OCIAD1: variants seen among roughly 807,000 people sequenced by gnomAD.
The protein encoded by OCIAD1 is OCIA domain-containing protein 1.
OCIAD1 carries 29 observed loss-of-function variants against 38.9 expected under a neutral mutation model. The ratio of observed to expected loss-of-function variants is 0.74; its 90% CI spans 0.55 to 1.02. The LOEUF is 1.02. Among genes scored for constraint, OCIAD1 ranks in the 50% least tolerant of loss-of-function variants. The probability of loss-of-function intolerance (pLI) is 0.00; values close to 1 mark genes in which losing one functional copy is unlikely to be tolerated. For missense variants in OCIAD1, 288 were observed against 289.6 expected, an observed-to-expected ratio of 0.99 and a Z score of 0.04; for synonymous variants, 110 against 92.0, an observed-to-expected ratio of 1.20 and a Z score of -1.12.
intron 5 of OCIAD1, among the ~76,000 whole-genome samples, 188 bp from the exon 6 acceptor site, chr4:48,849,759 A>G (rs2109583133): frequency 6.6e-6 from 1 of 152,280 alleles, no homozygotes; most frequent in Non-Finnish European, 1.5e-5. Context: ...AATTATATCC[A>G]TAGACTCTGT....
chr4:48,834,439 A>ATTAT (rs1777798956), intron 3 of OCIAD1, among the ~76,000 whole-genome samples: 2 of 152,182 alleles, frequency 1.3e-5, no homozygotes, highest in Non-Finnish European at 2.9e-5. Flanking sequence ...AAGTGCTGGG[A>ATTAT]TTATAGGCGT....
intron 8 of OCIAD1, 36 bp from the exon 9 acceptor site, chr4:48,860,689 G>C (rs770073091): frequency 6.9e-7 from 1 of 1,440,962 alleles, no homozygotes; most frequent in Admixed American, 1.7e-5. Context: ...ACTTATTATT[G>C]CTTGGAATCA....
chr4:48,858,729 A>G (rs1579124625), intron 8 of OCIAD1, among the ~76,000 whole-genome samples: 1 of 152,184 alleles, frequency 6.6e-6, no homozygotes, highest in African/African-American at 2.4e-5. Flanking sequence ...TGCTGGGATT[A>G]TAGGTGGGAG....
At position 48,832,659 on chromosome 4, in the gene OCIAD1, C is replaced by G; in HGVS notation, c.35C>G (p.Ala12Gly). 6.2e-7 allele frequency: 1 copy of G among 1,612,788 alleles called. No individual in the cohort carries two copies. Residue 12 changes from alanine to glycine, a missense_variant, in exon 2 of 9, where the codon GCA (alanine) becomes GGA (glycine). Physicochemically the swap from Ala to Gly is moderately conservative, Grantham distance 60. Transcript: ENST00000264312. ...NGRADFREPNAEVPRPIPHIG... is the reference protein window; with the variant it reads ...NGRADFREPNGEVPRPIPHIG... ...AGGGCTGATTTTCGAGAGCCGAATG[C>G]AGAGGTTCCAAGACCAATTCCCCGT...
rs148601871 is a variant in OCIAD1 at position 48,809,451 on chromosome 4, G to A, written c.-103+4121G>A. On this transcript the variant is annotated intron_variant, in intron 1 of 6. Coordinates refer to the OCIAD1 transcript ENST00000504654. Reference sequence around the variant, plus strand: ...GAGGCAGGGAGTACTGCTTGAACCCGGCAGGTGGAGGTTGCGGTGAGTCAA... The same window carrying A: ...GAGGCAGGGAGTACTGCTTGAACCCAGCAGGTGGAGGTTGCGGTGAGTCAA... 4.7e-3 allele frequency among the ~76,000 whole-genome samples: 712 copies of A among 152,162 alleles called. 9 individuals are homozygous for A. Among genetic ancestry groups the A allele is most frequent in the African/African-American group, 0.015 (642 of 41,518 alleles).
chr4:48,824,791 A>G (rs1350737501), intron 1 of OCIAD1, among the ~76,000 whole-genome samples: 1 of 152,196 alleles, frequency 6.6e-6, no homozygotes, highest in African/African-American at 2.4e-5. Flanking sequence ...GCTGGAGTGC[A>G]GTGGCGCAAT....
At chr4:48,842,741 T>C in intron 4 of OCIAD1, 52 bp downstream of exon 4, 1 of 978,874 alleles carries the variant, frequency 1.0e-6, no homozygotes. Context: ...CATGTTTGTT[T>C]TGTGGTATTT....
chr4:48,819,431 C>T (rs536223086), intron 1 of OCIAD1, among the ~76,000 whole-genome samples: 1 of 152,170 alleles, frequency 6.6e-6, no homozygotes, highest in Non-Finnish European at 1.5e-5. Context: ...CTGGTACCAG[C>T]CACTGCAAAA....
intron 1 of OCIAD1, among the ~76,000 whole-genome samples, chr4:48,826,060 A>C (rs1777246066): frequency 6.6e-6 from 1 of 150,702 alleles, no homozygotes; most frequent in South Asian, 2.1e-4. Flanking sequence ...CTGGTCTTGA[A>C]CTCCTGACAT....
At chr4:48,832,141 C>T (rs1418707087) in intron 1 of OCIAD1, among the ~76,000 whole-genome samples, 2 of 152,122 alleles carry the variant, frequency 1.3e-5, no homozygotes, top group Non-Finnish European at 2.9e-5. Context: ...TTTTGGAGTG[C>T]TCCTTTGTGG....
At chr4:48,854,507 T>G (rs755038670) in intron 7 of OCIAD1, among the ~76,000 whole-genome samples, 10 of 152,348 alleles carry the variant, frequency 6.6e-5, no homozygotes, top group Non-Finnish European at 8.8e-5. Context: ...ACTAACTCTT[T>G]CCTTGTGATG....
chr4:48,806,932 C>T (rs984680619), intron 1 of OCIAD1, among the ~76,000 whole-genome samples: 1 of 151,814 alleles, frequency 6.6e-6, no homozygotes, highest in African/African-American at 2.4e-5. Context: ...GAGGTAGGAT[C>T]TCACTCTGTT....
At chr4:48,834,653 C>A (rs1042207912) in intron 3 of OCIAD1, among the ~76,000 whole-genome samples, 2 of 152,000 alleles carry the variant, frequency 1.3e-5, no homozygotes, top group Non-Finnish European at 2.9e-5. Flanking sequence ...TAGCTGTAAT[C>A]GCAACCATTT....
At chr4:48,851,694 A>T (rs529877820) in intron 6 of OCIAD1, 112 bp from the exon 7 acceptor site, 1 of 505,350 alleles carries the variant, frequency 2.0e-6, no homozygotes, top group Non-Finnish European at 3.4e-6. Context: ...AAAAAAAATT[A>T]TATGTATATA....
At chr4:48,816,866 A>G (rs2109491921) in intron 1 of OCIAD1, among the ~76,000 whole-genome samples, 1 of 152,184 alleles carries the variant, frequency 6.6e-6, no homozygotes, top group South Asian at 2.1e-4. Context: ...GCTACTCGGG[A>G]GGCTGAGAGA....
chr4:48,859,636 G>A (rs1047643617), intron 8 of OCIAD1, among the ~76,000 whole-genome samples: 1 of 151,724 alleles, frequency 6.6e-6, no homozygotes, highest in African/African-American at 2.4e-5. Context: ...TTCTTTTTTT[G>A]GGAAAAGCTG....
chr4:48,825,993 C>G (rs564969534), intron 1 of OCIAD1, among the ~76,000 whole-genome samples: 64 of 151,936 alleles, frequency 4.2e-4, no homozygotes, highest in African/African-American at 1.5e-3. Context: ...TGCACCACCA[C>G]GCCTGGCTAA....
chr4:48,848,344 C>G lies in OCIAD1; in HGVS notation c.194-55C>G, dbSNP rs2098419788. 9.7e-6 allele frequency: 8 copies of G among 825,366 alleles called. No homozygotes were observed. In the South Asian group the frequency reaches 1.2e-4, roughly 12 times the overall value. The allele number at this position is 825,366 out of a possible 1,614,324, so 51.1% of individuals were successfully genotyped here. ...AGATTATATTTAAAGATAGCCTTTA[C>G]TGATTTTTCTTTCTGTAACAGTGTT... On this transcript the variant is annotated intron_variant, in intron 4 of 8. Transcript: ENST00000264312.
intron 3 of OCIAD1, among the ~76,000 whole-genome samples, chr4:48,839,570 G>A (rs1302269080): frequency 2.6e-5 from 4 of 152,134 alleles, no homozygotes; most frequent in African/African-American, 9.6e-5. Context: ...TATAAAATGG[G>A]GATAACTGCC....
Sources: allele counts gnomAD v4.1 joint callset (sites outside exome capture counted in the v4.1 genomes callset), GRCh38; gene constraint gnomAD v4.1.1; transcripts MANE v1.5; gene names NCBI Gene and HGNC (gene_info 2026-07-23, HGNC 2026-07-21).